MID1: variants seen among roughly 807,000 people sequenced by gnomAD.
The protein encoded by MID1 is E3 ubiquitin-protein ligase Midline-1.
A neutral mutation model predicts 40.4 loss-of-function variants in MID1; 7 were observed. The observed-to-expected ratio is 0.17, with a 90% CI of 0.10 to 0.33. MID1 has a LOEUF of 0.33. MID1 is among the 10% of genes least tolerant of loss of function. MID1 has a pLI of 1.00. For missense variants in MID1, 367 were observed against 558.5 expected, an observed-to-expected ratio of 0.66 and a Z score of 3.46; for synonymous variants, 229 against 221.2, an observed-to-expected ratio of 1.04 and a Z score of -0.31.
intron 1 of MID1, among the ~76,000 whole-genome samples, chrX:10,638,489 G>C (rs1936148382): frequency 8.9e-6 from 1 of 112,213 alleles, no homozygotes; most frequent in Admixed American, 9.4e-5. Flanking sequence ...GGCTTGAGAA[G>C]GTGAACAAAG....
At chrX:10,556,257 G>A (rs1273462212) in intron 2 of MID1, among the ~76,000 whole-genome samples, 1 of 111,338 alleles carries the variant, frequency 9.0e-6, no homozygotes, top group East Asian at 2.8e-4. Context: ...ACAGCTGTAG[G>A]TGCTCTGATG....
chrX:10,612,617 T>C (rs914090150), intron 1 of MID1, among the ~76,000 whole-genome samples: 5 of 112,501 alleles, frequency 4.4e-5, no homozygotes, highest in Non-Finnish European at 5.6e-5. Context: ...AAAACCCAAA[T>C]ATAAGATCAT....
At chrX:10,450,811 G>A (rs1928282478) in intron 9 of MID1, among the ~76,000 whole-genome samples, 1 of 112,052 alleles carries the variant, frequency 8.9e-6, no homozygotes, top group Admixed American at 9.5e-5. Context: ...ACCCCTCTGA[G>A]TCATGCCTCT....
At chrX:10,672,859 T>G (rs767114298) in intron 1 of MID1, among the ~76,000 whole-genome samples, 1 of 110,010 alleles carries the variant, frequency 9.1e-6, no homozygotes, top group Admixed American at 9.7e-5. Flanking sequence ...TAACTTTTTA[T>G]TTTTTTTGCA....
chrX:10,664,376 G>A (rs1174107163), intron 1 of MID1, among the ~76,000 whole-genome samples: 3 of 110,961 alleles, frequency 2.7e-5, no homozygotes, highest in African/African-American at 9.9e-5. Context: ...CACCATGTTG[G>A]CCAGGGTGGA....
chrX:10,748,523 T>G, intron 1 of MID1, among the ~76,000 whole-genome samples: 1 of 111,926 alleles, frequency 8.9e-6, no homozygotes. Flanking sequence ...GTTATATGAA[T>G]TAACTGTAAT....
intron 1 of MID1, among the ~76,000 whole-genome samples, chrX:10,609,751 A>T (rs1015788156): frequency 5.5e-4 from 46 of 83,734 alleles, no homozygotes; most frequent in Non-Finnish European, 6.8e-4. Flanking sequence ...TGAGTCTCGC[A>T]CTTTGGCCCA....
intron 1 of MID1, among the ~76,000 whole-genome samples, chrX:10,807,244 C>CAA (rs34894470): frequency 2.0e-5 from 2 of 98,742 alleles, no homozygotes; most frequent in African/African-American, 3.7e-5. Flanking sequence ...GGCTCTGTTT[C>CAA]AAAAAAAAAA....
At chrX:10,484,696 G>A (rs968058608) in intron 4 of MID1, among the ~76,000 whole-genome samples, 1 of 112,154 alleles carries the variant, frequency 8.9e-6, no homozygotes, top group African/African-American at 3.2e-5. Flanking sequence ...AACAGTAGAT[G>A]TTTGGGTCTA....
chrX:10,501,238 G>T (rs1931525069), intron 3 of MID1, among the ~76,000 whole-genome samples: 1 of 111,366 alleles, frequency 9.0e-6, no homozygotes, highest in Admixed American at 9.5e-5. Flanking sequence ...GAACCCAGGA[G>T]TCGGAGGTTA....
chrX:10,630,126 C>T (rs948058271), intron 1 of MID1, among the ~76,000 whole-genome samples: 5 of 111,815 alleles, frequency 4.5e-5, no homozygotes, highest in African/African-American at 1.6e-4. Flanking sequence ...AGGCATTGTT[C>T]TAGGTGCTGA....
At chrX:10,746,207 A>T (rs2043555789) in intron 1 of MID1, among the ~76,000 whole-genome samples, 1 of 111,944 alleles carries the variant, frequency 8.9e-6, no homozygotes, top group Admixed American at 9.5e-5. Flanking sequence ...GACAATGTGG[A>T]TTGTGACTAA....
At chrX:10,598,736 T>C (rs1935460725) in intron 1 of MID1, among the ~76,000 whole-genome samples, 1 of 111,437 alleles carries the variant, frequency 9.0e-6, no homozygotes. Context: ...GAGAGTAAAT[T>C]CTGCCAACAA....
chrX:10,556,929 T>C (rs1009808263), intron 2 of MID1, among the ~76,000 whole-genome samples: 1 of 112,510 alleles, frequency 8.9e-6, no homozygotes, highest in Non-Finnish European at 1.9e-5. Flanking sequence ...GCCCACTTTA[T>C]GGCAATGTCA....
At chrX:10,773,470 G>A (rs747025116) in intron 1 of MID1, among the ~76,000 whole-genome samples, 14 of 111,916 alleles carry the variant, frequency 1.3e-4, no homozygotes, top group East Asian at 2.8e-4. Context: ...TTAATGCAGC[G>A]CCTGTTTGGT....
chrX:10,791,894 A>G (rs2043934486), intron 1 of MID1, among the ~76,000 whole-genome samples: 1 of 111,517 alleles, frequency 9.0e-6, no homozygotes, highest in African/African-American at 3.3e-5. Context: ...ACTTTTTTTC[A>G]TTGAAATAAT....
chrX:10,582,114 A>G (rs1935032351), intron 1 of MID1, among the ~76,000 whole-genome samples: 1 of 111,551 alleles, frequency 9.0e-6, no homozygotes, highest in Non-Finnish European at 1.9e-5. Context: ...TCGAAGTCCT[A>G]CGGAGCATCC....
At chrX:10,600,486 A>G (rs1244228179) in intron 1 of MID1, among the ~76,000 whole-genome samples, 1 of 111,686 alleles carries the variant, frequency 9.0e-6, no homozygotes, top group Non-Finnish European at 1.9e-5. Context: ...GGAAGGTGGG[A>G]CATATGCTCC....
intron 1 of MID1, among the ~76,000 whole-genome samples, chrX:10,808,766 A>T (rs2044067738): frequency 8.9e-6 from 1 of 111,995 alleles, no homozygotes; most frequent in African/African-American, 3.2e-5. Flanking sequence ...CACCTTATAC[A>T]AAAATTAATT....
Sources: allele counts gnomAD v4.1 joint callset (sites outside exome capture counted in the v4.1 genomes callset), GRCh38; gene constraint gnomAD v4.1.1; transcripts MANE v1.5; gene names NCBI Gene and HGNC (gene_info 2026-07-23, HGNC 2026-07-21).